Variants in ANKS1A observed in about 807,000 individuals in gnomAD.
ANKS1A encodes the protein ankyrin repeat and SAM domain-containing protein 1A.
In ANKS1A, 55 loss-of-function variants were observed where a neutral mutation model predicts 120.3. The ratio of observed to expected loss-of-function variants is 0.46; its 90% CI spans 0.37 to 0.57. The LOEUF (loss-of-function observed/expected upper bound fraction) is 0.57, where lower values mean the gene tolerates loss of function less well. ANKS1A is among the 20% of genes least tolerant of loss of function. The pLI, the probability that ANKS1A is intolerant of heterozygous loss-of-function variation, is 0.00. For synonymous variants in ANKS1A, 590 were observed against 604.7 expected (o/e 0.98, Z 0.36); for missense variants, 1,123 against 1,480.3 (o/e 0.76, Z 3.96).
chr6:34,948,278 T>C (rs1202825334), intron 1 of ANKS1A, among the ~76,000 whole-genome samples: 1 of 152,166 alleles, frequency 6.6e-6, no homozygotes, highest in Non-Finnish European at 1.5e-5. Flanking sequence ...AAAAATTAGT[T>C]TAAGCAGAAA....
chr6:35,079,555 G>A lies in ANKS1A; in HGVS notation c.2323G>A (p.Val775Met), dbSNP rs762067571. The A allele has an allele frequency of 2.1e-5, 34 of 1,613,874 alleles. No homozygotes were observed. Among genetic ancestry groups the A allele is most frequent in the South Asian group, 3.3e-5 (3 of 91,080 alleles). The change falls in exon 15 of 24, where the codon GTG becomes ATG. Residue 775 changes from valine (V) to methionine (M), a missense_variant. Coordinates refer to ENST00000360359, the MANE Select transcript of ANKS1A (RefSeq NM_015245.3). The part of the protein sequence containing the change: ...LGYDGNSPPS[V>M]PSWLDSLGLQ... The stretch of plus-strand genomic sequence containing the variant: ...TTATGACGGGAACAGCCCCCCTAGC[G>A]TGCCCTCCTGGCTGGACTCCCTGGG...
chr6:35,016,034 A>AT (rs1330179894), intron 10 of ANKS1A, among the ~76,000 whole-genome samples: 5 of 152,214 alleles, frequency 3.3e-5, no homozygotes, highest in African/African-American at 1.2e-4. Flanking sequence ...GTGTGCCATC[A>AT]TGACATGGTG....
intron 11 of ANKS1A, among the ~76,000 whole-genome samples, chr6:35,037,135 C>G: frequency 6.6e-6 from 1 of 152,188 alleles, no homozygotes; most frequent in African/African-American, 2.4e-5. Context: ...CATGGTAGTT[C>G]TCGTGCCATT....
chr6:34,921,921 C>T (rs1768451748), intron 1 of ANKS1A, among the ~76,000 whole-genome samples: 1 of 152,152 alleles, frequency 6.6e-6, no homozygotes, highest in African/African-American at 2.4e-5. Flanking sequence ...GTCTTGAACT[C>T]CTGGCCTCAA....
At chr6:34,966,057 T>C (rs1437047896) in intron 1 of ANKS1A, among the ~76,000 whole-genome samples, 2 of 152,188 alleles carry the variant, frequency 1.3e-5, no homozygotes, top group African/African-American at 4.8e-5. Context: ...TCATTGATTC[T>C]TCAATATGGA....
At chr6:35,067,463 G>A (rs1040338729) in intron 13 of ANKS1A, among the ~76,000 whole-genome samples, 23 of 152,214 alleles carry the variant, frequency 1.5e-4, no homozygotes, top group Admixed American at 3.9e-4. Flanking sequence ...CTGTAGTAGC[G>A]GCCGGCCAGC....
chr6:35,038,613 G>A (rs1775300371), intron 11 of ANKS1A, among the ~76,000 whole-genome samples: 1 of 151,948 alleles, frequency 6.6e-6, no homozygotes, highest in South Asian at 2.1e-4. Flanking sequence ...TCCCCAGTAG[G>A]TAGGACTATA....
chr6:35,073,739 G>A (rs1248411702), intron 13 of ANKS1A, among the ~76,000 whole-genome samples: 2 of 152,224 alleles, frequency 1.3e-5, no homozygotes, highest in Non-Finnish European at 2.9e-5. Context: ...ATGTTAGCAT[G>A]GTAGCAGATA....
intron 1 of ANKS1A, among the ~76,000 whole-genome samples, chr6:34,932,732 A>G (rs998016117): frequency 6.6e-6 from 1 of 152,216 alleles, no homozygotes; most frequent in Non-Finnish European, 1.5e-5. Context: ...TGAGTATACC[A>G]TATGTTCATC....
In ANKS1A at chr6:35,017,963, C is replaced by T. The variant is rs752327837; in HGVS notation, c.1914C>T (p.Asp638=). The change falls in exon 11 of 24, where the codon GAC becomes GAT. Residue 638 remains aspartate (D), a synonymous_variant. Transcript: ENST00000360359. The part of the protein sequence containing the change: ...SDLLTCSPTE[D]ATMGSRSESL... ...TCCTGACCTGCTCACCCACAGAGGA[C>T]GCTACCATGGGGAGTCGGAGTGAGT... The T allele has an allele frequency of 1.7e-5, 27 of 1,614,110 alleles. No individual in the cohort carries two copies. Among genetic ancestry groups the T allele is most frequent in the African/African-American group, 2.7e-5 (2 of 74,936 alleles).
At chr6:35,034,452 C>T (rs969492475) in intron 11 of ANKS1A, among the ~76,000 whole-genome samples, 6 of 152,248 alleles carry the variant, frequency 3.9e-5, no homozygotes, top group East Asian at 3.9e-4. Flanking sequence ...CACTCATTGA[C>T]GTTAGTCAGA....
rs535259880 is a variant in ANKS1A, at chr6:35,060,111, C to T, written c.2078-36C>T. On this transcript the variant is annotated intron_variant, in intron 12 of 23. Transcript: ENST00000360359. This position sits in a 1 kb window ranked among gnomAD's most constrained non-coding sequence, Gnocchi z 4.5. The stretch of plus-strand genomic sequence containing the variant: ...CGCTGCTACCGCCTTAATGGTTTTT[C>T]CCTTTTCAAGCGTCTGCCGATTCCT... 3 of 1,570,436 alleles carry T rather than the reference C, an allele frequency of 1.9e-6. No individual in the cohort carries two copies. Among genetic ancestry groups the T allele is most frequent in the African/African-American group, 2.7e-5 (2 of 74,300 alleles).
chr6:34,917,151 G>A (rs1768206169), intron 1 of ANKS1A, among the ~76,000 whole-genome samples: 1 of 152,286 alleles, frequency 6.6e-6, no homozygotes, highest in Admixed American at 6.5e-5. Context: ...AGGCCTCCAT[G>A]GGGCCTACAT....
At chr6:35,010,700 G>A (rs1039687918) in intron 10 of ANKS1A, among the ~76,000 whole-genome samples, 3 of 152,070 alleles carry the variant, frequency 2.0e-5, no homozygotes, top group East Asian at 1.9e-4. Flanking sequence ...ACTAGAAAAA[G>A]GGTTAGGCAG....
At chr6:34,969,449 T>G (rs1771070823) in intron 2 of ANKS1A, among the ~76,000 whole-genome samples, 1 of 152,134 alleles carries the variant, frequency 6.6e-6, no homozygotes, top group East Asian at 1.9e-4. Context: ...GAGACGGGCT[T>G]TCGCCATGTT....
chr6:34,973,049 A>AT (rs1261799064), intron 3 of ANKS1A, among the ~76,000 whole-genome samples: 2 of 152,230 alleles, frequency 1.3e-5, no homozygotes, highest in Non-Finnish European at 2.9e-5. Flanking sequence ...ATTAAAAAAT[A>AT]TTTTTAACCT....
chr6:35,075,415 CTT>C (rs747359283), intron 13 of ANKS1A, among the ~76,000 whole-genome samples: 16 of 129,850 alleles, frequency 1.2e-4, no homozygotes, highest in Non-Finnish European at 1.1e-4. Context: ...GGTTAATTTT[CTT>C]TTTTTTTTTT....
chr6:34,994,203 T>G, intron 9 of ANKS1A, 99 bp from the exon 10 acceptor site: 1 of 1,458,892 alleles, frequency 6.9e-7, no homozygotes, highest in Admixed American at 2.1e-5. Context: ...ACCTTTCTTC[T>G]TTGATGAAAA....
At chr6:34,997,865 A>G (rs1045359521) in intron 10 of ANKS1A, among the ~76,000 whole-genome samples, 37 of 152,256 alleles carry the variant, frequency 2.4e-4, no homozygotes, top group African/African-American at 7.7e-4. Context: ...CGTCAGGTTA[A>G]GGAAGGAACT....
Sources: gnomAD v4.1 joint callset for allele counts (sites outside exome capture counted in the v4.1 genomes callset) on GRCh38, gnomAD v4.1.1 for gene constraint, Gnocchi (gnomAD v3.1) non-coding constraint, MANE v1.5 for transcripts, NCBI Gene and HGNC (gene_info 2026-07-23, HGNC 2026-07-21) for gene names.